TOMM34: variants seen among roughly 807,000 people sequenced by gnomAD.
TOMM34 encodes the protein mitochondrial import receptor subunit TOM34.
TOMM34 carries 24 observed loss-of-function variants against 37.4 expected under a neutral mutation model. The observed-to-expected ratio is 0.64, with a 90% CI of 0.46 to 0.90. The LOEUF (loss-of-function observed/expected upper bound fraction) is 0.90. Among genes scored for constraint, TOMM34 ranks in the 40% least tolerant of loss-of-function variants. TOMM34 has a pLI of 0.00. For synonymous variants in TOMM34, 154 were observed against 148.9 expected (o/e 1.03, Z -0.25); for missense variants, 304 against 375.6 (o/e 0.81, Z 1.58).
chr20:44,948,675 G>C (rs1169854267), intron 5 of TOMM34, 55 bp downstream of exon 5: 2 of 1,599,972 alleles, frequency 1.3e-6, no homozygotes, highest in African/African-American at 2.7e-5. Context: ...TCCAAGAGAA[G>C]ACTATGGAAC....
intron 4 of TOMM34, among the ~76,000 whole-genome samples, 160 bp from the exon 5 acceptor site, chr20:44,949,037 C>T (rs552442649): frequency 6.6e-6 from 1 of 152,188 alleles, no homozygotes; most frequent in Non-Finnish European, 1.5e-5. Flanking sequence ...TGACTTCCCC[C>T]AATTAATAGC....
At chr20:44,956,043 A>G (rs750279820) in intron 2 of TOMM34, among the ~76,000 whole-genome samples, 9 of 151,970 alleles carry the variant, frequency 5.9e-5, no homozygotes, top group Non-Finnish European at 1.2e-4. Context: ...TTCCCCTCAC[A>G]TACTCCCATC....
chr20:44,954,385 T>TA (rs1318934578), intron 3 of TOMM34, among the ~76,000 whole-genome samples: 35 of 152,214 alleles, frequency 2.3e-4, no homozygotes, highest in African/African-American at 7.9e-4. Flanking sequence ...TCAGATAAGT[T>TA]AAAAAGGAGG....
At chr20:44,955,344 C>T in intron 2 of TOMM34, 124 bp from the exon 3 acceptor site, 1 of 1,299,740 alleles carries the variant, frequency 7.7e-7, no homozygotes, top group Non-Finnish European at 1.1e-6. Context: ...GGCCGAGAGA[C>T]ATGGCTAAAA....
chr20:44,951,909 C>G lies in TOMM34; in HGVS notation c.474G>C (p.Trp158Cys). 6.2e-7 allele frequency: 1 copy of G among 1,614,078 alleles called. No homozygotes were observed. The highest frequency in any genetic ancestry group is 8.5e-7 in the Non-Finnish European group (1 of 1,179,994). The change falls in exon 4 of 7, where the codon TGG becomes TGC. Residue 158 changes from tryptophan (W) to cysteine (C), a missense_variant. Coordinates refer to ENST00000372813, the MANE Select transcript of TOMM34 (RefSeq NM_006809.5). ...PLVPVSAQKR[W>C]NSLPSENHKE... Reference sequence around the variant, plus strand: ...TGTGGTTCTCCGAAGGCAAGGAATTCCACCTCTTCTGAGCTGAAACAGGCA... The same window carrying G: ...TGTGGTTCTCCGAAGGCAAGGAATTGCACCTCTTCTGAGCTGAAACAGGCA...
intron 3 of TOMM34, among the ~76,000 whole-genome samples, chr20:44,954,313 T>C (rs544935542): frequency 3.9e-5 from 6 of 152,346 alleles, no homozygotes; most frequent in Non-Finnish European, 7.3e-5. Context: ...AAGAGGTATG[T>C]CTCAGTCATC....
intron 4 of TOMM34, among the ~76,000 whole-genome samples, chr20:44,949,191 T>G (rs1319536430): frequency 1.3e-5 from 2 of 152,204 alleles, no homozygotes; most frequent in Non-Finnish European, 1.5e-5. Context: ...TGGAAGATCT[T>G]GTGTGACCTA....
At chr20:44,957,116 T>C (rs768392911) in intron 1 of TOMM34, among the ~76,000 whole-genome samples, 17 of 152,190 alleles carry the variant, frequency 1.1e-4, no homozygotes, top group Non-Finnish European at 2.1e-4. Flanking sequence ...TTATTAGACA[T>C]TCTTCTAAGG....
intron 5 of TOMM34, among the ~76,000 whole-genome samples, chr20:44,946,694 C>T (rs115892875): frequency 5.3e-4 from 80 of 152,292 alleles, no homozygotes; most frequent in African/African-American, 1.8e-3. Context: ...AAAGCCTGGG[C>T]ATTGTGTCAT....
At chr20:44,954,279 GACC>G (rs2067051163) in intron 3 of TOMM34, among the ~76,000 whole-genome samples, 1 of 152,150 alleles carries the variant, frequency 6.6e-6, no homozygotes, top group Admixed American at 6.5e-5. Context: ...TCTTCCTTGA[GACC>G]GGGACCTCTA....
chr20:44,950,683 G>C (rs143452517), intron 4 of TOMM34, among the ~76,000 whole-genome samples: 1 of 152,362 alleles, frequency 6.6e-6, no homozygotes, highest in East Asian at 1.9e-4. Context: ...CTAGAGAAGA[G>C]TGGGGAACAC....
rs1265845045 is a variant in TOMM34 at position 44,956,383 on chromosome 20, T to G, written c.227+3A>C. The G allele has an allele frequency of 6.2e-7, 1 of 1,614,060 alleles. No homozygotes were observed. Among genetic ancestry groups the G allele is most frequent in the African/African-American group, 1.3e-5 (1 of 75,060 alleles). ...CATCCCAAAATTACCCTTGGCCACT[T>G]ACGAAGTGCAATCTTTGATGCAGTC... On this transcript the variant is annotated splice_donor_region_variant and intron_variant, in intron 2 of 6. Transcript: ENST00000372813.
intron 4 of TOMM34, among the ~76,000 whole-genome samples, chr20:44,950,103 T>C (rs1334667426): frequency 1.3e-5 from 2 of 152,188 alleles, no homozygotes; most frequent in African/African-American, 4.8e-5. Flanking sequence ...TGTGGGTACA[T>C]CTCCCTGTGC....
intron 5 of TOMM34, among the ~76,000 whole-genome samples, chr20:44,948,308 G>T (rs1255428320): frequency 6.6e-6 from 1 of 152,166 alleles, no homozygotes; most frequent in Admixed American, 6.5e-5. Flanking sequence ...CCAGGCAATG[G>T]TTACTTCACA....
intron 2 of TOMM34, 137 bp from the exon 3 acceptor site, chr20:44,955,357 G>A: frequency 1.9e-6 from 2 of 1,072,420 alleles, no homozygotes; most frequent in East Asian, 2.5e-5. Flanking sequence ...GGCTAAAAAC[G>A]CCAAACCTCA....
Position 44,955,624 on chromosome 20 carries a change from A to C in TOMM34, c.228-404T>G, listed in dbSNP as rs1019633545. On this transcript the variant is annotated intron_variant, in intron 2 of 6. Coordinates refer to ENST00000372813, the MANE Select transcript of TOMM34 (RefSeq NM_006809.5). ...TGCTGCTAACTATGTGACCCAGGTA[A>C]ATCACTTTACTGCCCCAACCCTCAG... 3 of 458,568 alleles carry C rather than the reference A, an allele frequency of 6.5e-6. No individual in the cohort carries two copies. The Admixed American group carries it at 7.0e-5, about 11-fold the overall frequency. 28.4% of individuals were successfully genotyped at this position (458,568 alleles called of 1,614,324 possible). A position where few individuals can be genotyped will look rare whatever the true frequency, so the allele number is the denominator to read the frequency against.
chr20:44,953,828 A>C (rs6103938), intron 3 of TOMM34, among the ~76,000 whole-genome samples: 48,981 of 152,000 alleles, frequency 0.32, 8,807 homozygotes, highest in Admixed American at 0.49. Context: ...GTTGCCCTTC[A>C]TATCATCCCT....
intron 1 of TOMM34, chr20:44,959,115 T>C (rs528771119): frequency 6.6e-6 from 1 of 152,224 alleles, no homozygotes; most frequent in African/African-American, 2.4e-5. Context: ...TCTAAGCATT[T>C]TATCCACAGG....
At position 44,960,335 on chromosome 20, in the gene TOMM34, C is replaced by A. The variant is rs2145612675; in HGVS notation, c.-2G>T. 1 of 1,566,898 alleles carries A rather than the reference C, an allele frequency of 6.4e-7. No individual in the cohort carries two copies. Among genetic ancestry groups the A allele is most frequent in the Non-Finnish European group, 8.6e-7 (1 of 1,156,220 alleles). ...AGAGTCTGGGAATTTGGGGGCCATC[C>A]CGTGGCCAGGCCGGCGAGTTGGGAG... On this transcript the variant is annotated 5_prime_UTR_variant, in exon 1 of 7. Transcript: ENST00000372813.
Sources: gnomAD v4.1 joint callset for allele counts (sites outside exome capture counted in the v4.1 genomes callset) on GRCh38, gnomAD v4.1.1 for gene constraint, MANE v1.5 for transcripts, NCBI Gene and HGNC (gene_info 2026-07-23, HGNC 2026-07-21) for gene names.